Variants in AR observed in about 807,000 individuals in gnomAD.
AR encodes dihydrotestosterone receptor.
A neutral mutation model predicts 53.9 loss-of-function variants in AR; 8 were observed. That is an observed-to-expected ratio of 0.15 (90% confidence interval 0.09 to 0.27). AR has a LOEUF of 0.27. AR is among the 10% of genes least tolerant of loss of function. AR has a pLI of 1.00. For synonymous variants in AR, 359 were observed against 316.4 expected (o/e 1.13, Z -1.43); for missense variants, 639 against 742.5 (o/e 0.86, Z 1.62).
At chrX:67,722,459 A>G (rs1720993466) in intron 6 of AR, among the ~76,000 whole-genome samples, 1 of 111,908 alleles carries the variant, frequency 8.9e-6, no homozygotes, top group African/African-American at 3.3e-5. Context: ...CTTAGCCCCT[A>G]CGGAGGGAGA....
In AR at chrX:67,564,651, G is replaced by C. The variant is rs113293593; in HGVS notation, c.1616+17889G>C. The stretch of plus-strand genomic sequence containing the variant: ...ACCCCTGCTGTCTGAAATTGTAATG[G>C]CCCTGCTATTGGTAGCTGAGAGTAG... On this transcript the variant is annotated intron_variant, in intron 1 of 7. Coordinates refer to ENST00000374690, the MANE Select transcript of AR (RefSeq NM_000044.6). Among the ~76,000 whole-genome samples, 487 of 111,751 alleles carry C rather than the reference G, an allele frequency of 4.4e-3. 4 individuals carry two copies. Among genetic ancestry groups the C allele is most frequent in the African/African-American group, 0.015 (465 of 30,753 alleles).
chrX:67,659,744 G>T (rs774639549), intron 2 of AR, among the ~76,000 whole-genome samples: 1 of 111,512 alleles, frequency 9.0e-6, no homozygotes, highest in African/African-American at 3.3e-5. Flanking sequence ...GTAATGGGAT[G>T]GCTGGGTCAA....
At chrX:67,615,428 G>A (rs753668574) in intron 1 of AR, among the ~76,000 whole-genome samples, 2 of 110,292 alleles carry the variant, frequency 1.8e-5, no homozygotes, top group South Asian at 7.7e-4. Context: ...TATTCTAAAC[G>A]TTGAAAGAAT....
At chrX:67,547,616 A>G (rs1929818283) in intron 1 of AR, among the ~76,000 whole-genome samples, 1 of 112,215 alleles carries the variant, frequency 8.9e-6, no homozygotes, top group Admixed American at 9.4e-5. Context: ...TTAATGTACA[A>G]TTTAATTAGG....
intron 5 of AR, among the ~76,000 whole-genome samples, chrX:67,720,658 C>G (rs1379640320): frequency 9.0e-6 from 1 of 111,575 alleles, no homozygotes; most frequent in African/African-American, 3.3e-5. Flanking sequence ...GCCCTCTTCT[C>G]TCTTTCTCCA....
In AR at chrX:67,725,107, G is replaced by T. The variant is rs1177380494; in HGVS notation, c.*1266G>T. On this transcript the variant is annotated 3_prime_UTR_variant, in exon 8 of 8. Transcript: ENST00000374690. ...CCTTATGTCCTCCCTTCAGTGTTTTGTGGGCCTGAATTTCATCACACTGCA... is the reference window on the plus strand; with the variant it reads ...CCTTATGTCCTCCCTTCAGTGTTTTTTGGGCCTGAATTTCATCACACTGCA... The T allele has an allele frequency of 5.7e-6, 1 of 174,023 alleles. No homozygotes were observed. The highest frequency in any genetic ancestry group is 3.0e-5 in the African/African-American group (1 of 33,839). 14.3% of individuals were successfully genotyped at this position (174,023 alleles called of 1,213,427 possible).
intron 3 of AR, among the ~76,000 whole-genome samples, chrX:67,709,332 A>T (rs1288921677): frequency 8.9e-6 from 1 of 112,169 alleles, no homozygotes; most frequent in African/African-American, 3.2e-5. Context: ...CTCAAGCCTC[A>T]GCAATGGCGG....
At chrX:67,577,688 G>A (rs1262650964) in intron 1 of AR, among the ~76,000 whole-genome samples, 2 of 111,237 alleles carry the variant, frequency 1.8e-5, no homozygotes, top group Admixed American at 1.9e-4. Context: ...ATCTCAATGG[G>A]TGTGAATTGG....
At chrX:67,698,903 G>A (rs1602263783) in intron 3 of AR, among the ~76,000 whole-genome samples, 1 of 111,621 alleles carries the variant, frequency 9.0e-6, no homozygotes, top group African/African-American at 3.3e-5. Context: ...TGTGTCCCAA[G>A]CATCCTCTCA....
Position 67,730,508 on chromosome X carries a change from T to C in AR, c.*6667T>C, listed in dbSNP as rs1323804230. 2.3e-5 allele frequency: 4 copies of C among 171,813 alleles called. No individual in the cohort carries two copies. Among genetic ancestry groups the C allele is most frequent in the Middle Eastern group, 1.8e-3 (1 of 565 alleles). 14.2% of individuals were successfully genotyped at this position (171,813 alleles called of 1,213,427 possible). On this transcript the variant is annotated 3_prime_UTR_variant, in exon 8 of 8. Transcript: ENST00000374690. The stretch of plus-strand genomic sequence containing the variant: ...CCAGCTAAAACTTGGCCACATCCCC[T>C]GTTATGGCTGCAGGATCGAGTTATT...
At chrX:67,712,067 T>C (rs183601763) in intron 4 of AR, among the ~76,000 whole-genome samples, 1 of 112,095 alleles carries the variant, frequency 8.9e-6, no homozygotes, top group East Asian at 2.8e-4. Context: ...TAATCTCTAG[T>C]TTGACTGACA....
At chrX:67,635,509 A>G (rs1200355640) in intron 1 of AR, among the ~76,000 whole-genome samples, 1 of 110,841 alleles carries the variant, frequency 9.0e-6, no homozygotes, top group Non-Finnish European at 1.9e-5. Context: ...AGTATCCCCA[A>G]GTCCTCCTTT....
At chrX:67,711,734 T>G in intron 4 of AR, 45 bp downstream of exon 4, 1 of 1,149,588 alleles carries the variant, frequency 8.7e-7, no homozygotes, top group Non-Finnish European at 1.2e-6. Flanking sequence ...GGGATCATAT[T>G]TAGTGAACGC....
chrX:67,697,320 C>G (rs1182210714), intron 3 of AR, among the ~76,000 whole-genome samples: 1 of 111,522 alleles, frequency 9.0e-6, no homozygotes, highest in Non-Finnish European at 1.9e-5. Flanking sequence ...GGGTAAAGGT[C>G]ATGAAGTGGA....
chrX:67,610,941 C>T (rs1242615261), intron 1 of AR, among the ~76,000 whole-genome samples: 1 of 111,444 alleles, frequency 9.0e-6, no homozygotes, highest in African/African-American at 3.3e-5. Flanking sequence ...AATTTCTTTG[C>T]CTCAGTGTCC....
intron 2 of AR, among the ~76,000 whole-genome samples, chrX:67,672,786 C>T (rs1241524420): frequency 9.0e-6 from 1 of 111,386 alleles, no homozygotes; most frequent in Non-Finnish European, 1.9e-5. Context: ...GAGTAGTTCA[C>T]ACACCACAAT....
intron 2 of AR, among the ~76,000 whole-genome samples, chrX:67,645,798 C>T (rs990166335): frequency 9.0e-6 from 1 of 111,052 alleles, no homozygotes; most frequent in Admixed American, 9.6e-5. Context: ...TTTTCTTTCT[C>T]CTCCCATCTG....
chrX:67,706,921 G>C (rs2076070655), intron 3 of AR, among the ~76,000 whole-genome samples: 1 of 112,046 alleles, frequency 8.9e-6, no homozygotes, highest in Non-Finnish European at 1.9e-5. Context: ...TAGTCATTCA[G>C]GAGCAGGTTG....
chrX:67,705,072 G>A (rs1474187057), intron 3 of AR, among the ~76,000 whole-genome samples: 2 of 111,616 alleles, frequency 1.8e-5, no homozygotes, highest in Non-Finnish European at 3.8e-5. Context: ...TTTGAAGTCA[G>A]GTAGCGTGAT....
Sources: gnomAD v4.1 joint callset for allele counts (sites outside exome capture counted in the v4.1 genomes callset) on GRCh38, gnomAD v4.1.1 for gene constraint, MANE v1.5 for transcripts, NCBI Gene and HGNC (gene_info 2026-07-23, HGNC 2026-07-21) for gene names.